Variants in SACS observed in about 807,000 individuals in gnomAD.
SACS encodes sacsin molecular chaperone, also known as sacsin.
A neutral mutation model predicts 348.0 loss-of-function variants in SACS; 197 were observed. That is an observed-to-expected ratio of 0.57 (90% CI 0.50 to 0.64). The LOEUF (loss-of-function observed/expected upper bound fraction) is 0.64, where lower values mean the gene tolerates loss of function less well. SACS is among the 30% of genes least tolerant of loss of function. SACS has a pLI of 0.00. For missense variants in SACS, 4,999 were observed against 5,360.8 expected, an observed-to-expected ratio of 0.93 and a Z score of 2.11; for synonymous variants, 1,985 against 1,910.6, an observed-to-expected ratio of 1.04 and a Z score of -1.02.
intron 3 of SACS, 26 bp downstream of exon 3, chr13:23,375,093 G>GC: frequency 6.7e-7 from 1 of 1,483,038 alleles, no homozygotes; most frequent in Non-Finnish European, 9.0e-7. Flanking sequence ...GCGGAGCCCA[G>GC]CCCAGCGCCC....
At chr13:23,388,846 G>C (rs1220258370) in intron 2 of SACS, among the ~76,000 whole-genome samples, 1 of 151,712 alleles carries the variant, frequency 6.6e-6, no homozygotes, top group African/African-American at 2.4e-5. Context: ...GTTTATCCAA[G>C]TAACCAAAAA....
In SACS at chr13:23,339,958, A is replaced by G. The variant is rs774765353; in HGVS notation, c.3918T>C (p.Asn1306=). 4 of 1,613,764 alleles carry G rather than the reference A, an allele frequency of 2.5e-6. No individual in the cohort carries two copies. The Admixed American group carries it at 6.7e-5, about 27-fold the overall frequency. ...GGAATTTTGCCATGGTTTTAGGTAC[A>G]TTATGCAAATAAGGCTGAAGGTCAA... ...HDLDLQPYLH[N]VPKTMAKFHQ... is the part of the protein sequence containing the mutation. Residue 1306 remains asparagine, a synonymous_variant, in exon 10 of 10, where the codon AAT becomes AAC. Coordinates refer to ENST00000382292, the MANE Select transcript of SACS (RefSeq NM_014363.6).
chr13:23,355,341 A>C lies in SACS; in HGVS notation c.1271T>G (p.Met424Arg). 2 of 1,614,128 alleles carry C rather than the reference A, an allele frequency of 1.2e-6. No homozygotes were observed. Among genetic ancestry groups the C allele is most frequent in the South Asian group, 1.1e-5 (1 of 91,080 alleles). The change falls in exon 8 of 10, where the codon ATG becomes AGG. Residue 424 changes from methionine to arginine, a missense_variant. Physicochemically the swap from Met to Arg is moderately conservative, Grantham distance 91. This residue lies in a region of SACS where 3,156 missense variants were observed against 3,380.1 expected (regional missense o/e 0.93). Transcript: ENST00000382292. ...LKFVPIIGIA[M>R]PLSSRDDEAK... is the part of the protein sequence containing the mutation. ...TTCATCATCTCTGCTTGATAAAGGC[A>C]TGGCTATTCCAATGATTGGGACAAA...
chr13:23,339,221 T>C lies in SACS; in HGVS notation c.4655A>G (p.Lys1552Arg), dbSNP rs1419193338. 1 of 1,610,840 alleles carries C rather than the reference T, an allele frequency of 6.2e-7. No individual in the cohort carries two copies. The highest frequency in any genetic ancestry group is 8.5e-7 in the Non-Finnish European group (1 of 1,178,660). The change falls in exon 10 of 10, where the codon AAA (lysine) becomes AGA (arginine). Residue 1552 changes from lysine (K) to arginine (R), a missense_variant. Lys to Arg is a conservative substitution (Grantham distance 26, BLOSUM62 2). Coordinates refer to ENST00000382292, the MANE Select transcript of SACS (RefSeq NM_014363.6). ...GESLKRGEVD[K>R]VGKFGLGFNS... ...AAATCCAAGACCAAATTTTCCAACTTTGTCAACTTCTCCCCTTTTTAAAGA... is the reference window on the plus strand; with the variant it reads ...AAATCCAAGACCAAATTTTCCAACTCTGTCAACTTCTCCCCTTTTTAAAGA...
Position 23,340,926 on chromosome 13 carries a change from C to A in SACS, c.2950G>T (p.Glu984Ter), listed in dbSNP as rs1869146335. ...AAGCAGCTAGTGGTCTTTAACTGTT[C>A]TATTTTCAACATGTTTGCCAGACGA... ...TIRLANMLKI[E>*]QLKTTSCLKL... Residue 984 changes from glutamate (E) to a stop codon, truncating the protein, a stop_gained, in exon 10 of 10, where the codon GAA (glutamate) becomes TAA (stop). Coordinates refer to ENST00000382292, the MANE Select transcript of SACS (RefSeq NM_014363.6). LOFTEE classifies it high-confidence loss of function. 4 of 1,613,962 alleles carry A rather than the reference C, an allele frequency of 2.5e-6. No homozygotes were observed. The highest frequency in any genetic ancestry group is 3.4e-6 in the Non-Finnish European group (4 of 1,179,856).
chr13:23,374,940 G>T (rs543181884), intron 3 of SACS, among the ~76,000 whole-genome samples, 179 bp downstream of exon 3: 1 of 152,160 alleles, frequency 6.6e-6, no homozygotes. Flanking sequence ...TTCGGGGTGG[G>T]GGATGCAAAC....
intron 2 of SACS, among the ~76,000 whole-genome samples, chr13:23,408,894 G>A (rs1180791498): frequency 6.6e-6 from 1 of 150,486 alleles, no homozygotes; most frequent in Non-Finnish European, 1.5e-5. Context: ...CTCGGGAGGC[G>A]CAGCTTGCAG....
intron 3 of SACS, 125 bp from the exon 4 acceptor site, chr13:23,371,290 T>G (rs946721671): frequency 4.4e-6 from 2 of 454,436 alleles, no homozygotes; most frequent in Non-Finnish European, 7.7e-6. Context: ...TGAAGGAAGT[T>G]GTCTGGAGAA....
rs786204628 is a variant in SACS, at chr13:23,331,021, GCTCT to G, written c.12851_12854del (p.Glu4284AlafsTer23). 8 of 1,614,020 alleles carry G rather than the reference GCTCT, an allele frequency of 5.0e-6. No individual in the cohort carries two copies. The highest frequency in any genetic ancestry group is 1.7e-5 in the Admixed American group (1 of 60,008). ...ACTGATGTTTGGAAGAAGTCTTGTG[GCTCT>G]CTCTACCAGAGAAAAGAGGAGGAAT... On this transcript the variant is annotated frameshift_variant, in exon 10 of 10. Coordinates refer to ENST00000382292, the MANE Select transcript of SACS (RefSeq NM_014363.6). LOFTEE classifies it high-confidence loss of function.
rs879074725 is a variant in SACS at position 23,329,246 on chromosome 13, A to C, written c.*890T>G. 7.7e-6 allele frequency: 4 copies of C among 516,444 alleles called. No individual in the cohort carries two copies. The South Asian group carries it at 1.4e-4, about 18-fold the overall frequency. The allele number at this position is 516,444 out of a possible 1,614,324, so 32.0% of individuals were successfully genotyped here. ...CTCCACTACATGCCATATTGAAAGA[A>C]AAGGTTGTTTTTTTTTTAACTGCAG... is the stretch of plus-strand genomic sequence containing the variant. On this transcript the variant is annotated 3_prime_UTR_variant, in exon 10 of 10. Coordinates refer to ENST00000382292, the MANE Select transcript of SACS (RefSeq NM_014363.6).
rs780762602 is a variant in SACS, at chr13:23,330,354, T to C, written c.13522A>G (p.Lys4508Glu). Residue 4508 changes from lysine (K) to glutamate (E), a missense_variant, in exon 10 of 10, where the codon AAA becomes GAA. Lys to Glu is a moderately conservative substitution (Grantham distance 56). Coordinates refer to ENST00000382292, the MANE Select transcript of SACS (RefSeq NM_014363.6). ...AGTTGCTGACTATATTCCTCTATTT[T>C]CTGAGCAAGTGCAGTTGGTTTTACA... ...KDVKPTALAQ[K>E]IEEYSQQLEG... 1.2e-6 allele frequency: 2 copies of C among 1,614,236 alleles called. No individual in the cohort carries two copies. The highest frequency in any genetic ancestry group is 2.2e-5 in the South Asian group (2 of 91,086).
chr13:23,388,903 A>ATAG (rs1179066030), intron 2 of SACS, among the ~76,000 whole-genome samples: 5 of 152,174 alleles, frequency 3.3e-5, no homozygotes, highest in Non-Finnish European at 5.9e-5. Flanking sequence ...TAAATTTAAT[A>ATAG]TAGTATTTCA....
In SACS at chr13:23,355,984, C is replaced by A; in HGVS notation, c.628G>T (p.Asp210Tyr). 6.2e-7 allele frequency: 1 copy of A among 1,613,578 alleles called. No homozygotes were observed. Among genetic ancestry groups the A allele is most frequent in the South Asian group, 1.1e-5 (1 of 90,986 alleles). The change falls in exon 8 of 10, where the codon GAC (aspartate) becomes TAC (tyrosine). Residue 210 changes from aspartate to tyrosine, a missense_variant. Coordinates refer to ENST00000382292, the MANE Select transcript of SACS (RefSeq NM_014363.6). The part of the protein sequence containing the change: ...ITDVPCIFSG[D>Y]QIGMLDPHQT... ...TGAGGATCTAGCATCCCGATTTGGT[C>A]ACCACTAAAGATACAAGGAACATCT...
chr13:23,426,708 A>G (rs1874197564), intron 1 of SACS, among the ~76,000 whole-genome samples: 1 of 152,166 alleles, frequency 6.6e-6, no homozygotes, highest in Non-Finnish European at 1.5e-5. Flanking sequence ...AGCAAAAGCA[A>G]GAAGACTGGA....
intron 2 of SACS, among the ~76,000 whole-genome samples, chr13:23,409,237 A>C (rs1452207395): frequency 6.8e-6 from 1 of 147,942 alleles, no homozygotes. Flanking sequence ...TTAGTATTTT[A>C]GTAGAGACAA....
At position 23,332,752 on chromosome 13, in the gene SACS, T is replaced by A; in HGVS notation, c.11124A>T (p.Pro3708=). Residue 3708 remains proline (P), a synonymous_variant, in exon 10 of 10, where the codon CCA becomes CCT. Transcript: ENST00000382292. ...TAATGCTTAAGGGTGTAGCTTTCTC[T>A]GGAAGAATAGGGCAGGATGTCCATA... ...QLLWTSCPIL[P]EKATPLSIKE... is the part of the protein sequence containing the mutation. The A allele has an allele frequency of 6.2e-7, 1 of 1,614,054 alleles. No homozygotes were observed. Among genetic ancestry groups the A allele is most frequent in the Non-Finnish European group, 8.5e-7 (1 of 1,179,956 alleles).
chr13:23,413,588 A>T (rs1027247783), intron 1 of SACS, among the ~76,000 whole-genome samples: 1 of 152,188 alleles, frequency 6.6e-6, no homozygotes, highest in South Asian at 2.1e-4. Flanking sequence ...GGAATGTAGG[A>T]ATAACAACCT....
intron 2 of SACS, among the ~76,000 whole-genome samples, chr13:23,384,336 G>A (rs1222924300): frequency 6.6e-6 from 1 of 152,186 alleles, no homozygotes; most frequent in Admixed American, 6.5e-5. Flanking sequence ...TCTTGATCAT[G>A]GCCTCTTGTA....
chr13:23,430,794 G>A (rs972088230), intron 1 of SACS, among the ~76,000 whole-genome samples: 7 of 152,148 alleles, frequency 4.6e-5, no homozygotes, highest in African/African-American at 1.7e-4. Flanking sequence ...GTGTAATCTC[G>A]AGCAGAATAT....
Sources: allele counts gnomAD v4.1 joint callset (sites outside exome capture counted in the v4.1 genomes callset), GRCh38; gene constraint gnomAD v4.1.1; regional missense constraint gnomAD v4.1.1; transcripts MANE v1.5; gene names NCBI Gene and HGNC (gene_info 2026-07-23, HGNC 2026-07-21).